The following KCNH4 variants were observed in gnomAD, a reference collection of about 807,000 sequenced individuals.
KCNH4 encodes the protein potassium voltage-gated channel subfamily H member 4, also known as voltage-gated delayed rectifier potassium channel KCNH4.
Under a neutral mutation model 90.7 loss-of-function variants are expected in KCNH4, and 33 were observed. That is an observed-to-expected ratio of 0.36 (90% confidence interval 0.28 to 0.49). The LOEUF is 0.49. Ranked by LOEUF, KCNH4 falls within the 20% of genes least tolerant of loss-of-function variation. The probability of loss-of-function intolerance (pLI) is 0.98; values close to 1 mark genes in which losing one functional copy is unlikely to be tolerated. For synonymous variants in KCNH4, 551 were observed against 581.7 expected, an observed-to-expected ratio of 0.95 and a Z score of 0.76; for missense variants, 1,044 against 1,387.1, an observed-to-expected ratio of 0.75 and a Z score of 3.93.
At chr17:42,162,138 GT>G in intron 15 of KCNH4, 109 bp downstream of exon 15, 1 of 857,052 alleles carries the variant, frequency 1.2e-6, no homozygotes, top group Non-Finnish European at 1.9e-6. Context: ...CAGAGATAGG[GT>G]TTCATCATGT....
chr17:42,176,856 A>G (rs1416946382), intron 4 of KCNH4, among the ~76,000 whole-genome samples: 2 of 151,782 alleles, frequency 1.3e-5, no homozygotes, highest in Non-Finnish European at 2.9e-5. Flanking sequence ...ATGTCTTGTC[A>G]AGGGTATTTA....
In KCNH4 at chr17:42,170,109, C is replaced by A; in HGVS notation, c.1388G>T (p.Gly463Val). ...KIFSICTMLI[G>V]ALMHAVVFGN... Reference sequence around the variant, plus strand: ...AGGCGTGGCAGGTCTGGCCTCACCGCCTATGAGCATCGTGCAGATGGAGAA... The same window carrying A: ...AGGCGTGGCAGGTCTGGCCTCACCGACTATGAGCATCGTGCAGATGGAGAA... Residue 463 changes from glycine to valine, a missense_variant and splice_region_variant, in exon 8 of 17, where the codon GGC becomes GTC. Gly to Val is a moderately radical substitution (Grantham distance 109). Around this residue, in one of 4 missense-constraint regions of KCNH4, gnomAD observed 318 missense variants for 479.6 expected, o/e 0.66. Transcript: ENST00000264661. 1 of 1,603,790 alleles carries A rather than the reference C, an allele frequency of 6.2e-7. No homozygotes were observed.
At chr17:42,175,939 C>G (rs2079857391) in intron 5 of KCNH4, 115 bp downstream of exon 5, 16 of 1,334,694 alleles carry the variant, frequency 1.2e-5, no homozygotes, top group Non-Finnish European at 1.6e-5. Context: ...CTTAAAGATG[C>G]AGAAAGGAAG....
rs749452433 is a variant in KCNH4 at position 42,176,076 on chromosome 17, G to A, written c.807C>T (p.Ala269=). The change falls in exon 5 of 17, where the codon GCC becomes GCT. Residue 269 remains alanine, a synonymous_variant. Transcript: ENST00000264661. ...GACCTAGGATGAAGAGCATTTCCAC[G>A]GCGATGTCGCTGACAAGGGTGTGTC... ...TSRHTLVSDI[A]VEMLFILDII... is the part of the protein sequence containing the mutation. 1.7e-5 allele frequency: 27 copies of A among 1,609,366 alleles called. No individual in the cohort carries two copies. The highest frequency in any genetic ancestry group is 1.6e-4 in the Middle Eastern group (1 of 6,066).
In KCNH4 at chr17:42,171,954, C is replaced by G. The variant is rs9896136; in HGVS notation, c.1029G>C (p.Arg343=). 14,541 of 1,609,912 alleles carry G rather than the reference C, an allele frequency of 9.0e-3. 1,129 individuals carry two copies. The African/African-American group carries it at 0.17, about 19-fold the overall frequency. ...VHLLKTVRLL[R]LLRLLQKLER... Reference sequence around the variant, plus strand: ...CCAGCTTCTGCAGCAGCCGCAGCAGCCGCAACAGCCGCACTGTCTTCAGTA... The same window carrying G: ...CCAGCTTCTGCAGCAGCCGCAGCAGGCGCAACAGCCGCACTGTCTTCAGTA... Residue 343 remains arginine, a synonymous_variant, in exon 7 of 17, where the codon CGG becomes CGC. Transcript: ENST00000264661.
In KCNH4 at chr17:42,159,718, C is replaced by T; in HGVS notation, c.*309+13G>A. 4.3e-6 allele frequency: 1 copy of T among 232,566 alleles called. No individual in the cohort carries two copies. The highest frequency in any genetic ancestry group is 8.3e-6 in the Non-Finnish European group (1 of 121,032). The allele number at this position is 232,566 out of a possible 1,614,324, so 14.4% of individuals were successfully genotyped here. A position where few individuals can be genotyped will look rare whatever the true frequency, so the allele number is the denominator to read the frequency against. On this transcript the variant is annotated intron_variant, in intron 16 of 16. Coordinates refer to ENST00000264661, the MANE Select transcript of KCNH4 (RefSeq NM_012285.3). ...GGGTCCCTTGCCCATCCCCTCTGCTCCCCCATCTCTACCTGCCTCCAGGTC... is the reference window on the plus strand; with the variant it reads ...GGGTCCCTTGCCCATCCCCTCTGCTTCCCCATCTCTACCTGCCTCCAGGTC...
chr17:42,173,740 G>A (rs761448672), intron 6 of KCNH4, among the ~76,000 whole-genome samples: 14 of 112,452 alleles, frequency 1.2e-4, no homozygotes, highest in Non-Finnish European at 2.0e-4. Flanking sequence ...AGTCCCTGTC[G>A]CCCAGGCTGG....
intron 16 of KCNH4, among the ~76,000 whole-genome samples, chr17:42,157,954 G>A (rs1424880923): frequency 1.3e-5 from 2 of 151,900 alleles, no homozygotes; most frequent in Non-Finnish European, 2.9e-5. Context: ...TTGAGGTGGA[G>A]TTTCACTCTT....
rs113403682 is a variant in KCNH4, at chr17:42,157,612, T to C, written c.*310-494A>G. Among the ~76,000 whole-genome samples, 485 of 152,254 alleles carry C rather than the reference T, an allele frequency of 3.2e-3. 3 individuals carry two copies. The highest frequency in any genetic ancestry group is 0.012 in the South Asian group (57 of 4,828). ...TAGCCTGATGTCCTGAGGTTTTTTT[T>C]GTTTTGTTTTGTTTGAGCAGGGTCT... On this transcript the variant is annotated intron_variant, in intron 16 of 16. Transcript: ENST00000264661.
intron 16 of KCNH4, among the ~76,000 whole-genome samples, chr17:42,159,400 G>A (rs1030476606): frequency 1.2e-4 from 19 of 152,050 alleles, no homozygotes; most frequent in Non-Finnish European, 4.4e-5. Context: ...GTACATATCT[G>A]GAGCCATCCG....
intron 6 of KCNH4, among the ~76,000 whole-genome samples, chr17:42,172,763 G>A (rs1474860786): frequency 6.6e-6 from 1 of 151,926 alleles, no homozygotes; most frequent in Admixed American, 6.6e-5. Flanking sequence ...CTAAGCACTG[G>A]GAGATGGTAG....
At chr17:42,159,246 C>T (rs1203756141) in intron 16 of KCNH4, among the ~76,000 whole-genome samples, 1 of 152,136 alleles carries the variant, frequency 6.6e-6, no homozygotes, top group Non-Finnish European at 1.5e-5. Context: ...AGGCTGGTCT[C>T]GAACTCCTGA....
Position 42,163,385 on chromosome 17 carries a change from G to A in KCNH4, c.2478-51C>T. ...CACCATGGGGTGAGGGTAAGGGCCA[G>A]AGCAGAGCAGACAGAGGGGGACTGG... On this transcript the variant is annotated intron_variant, in intron 13 of 16. Transcript: ENST00000264661. The surrounding 1 kb of genome is among the most constrained non-coding windows in gnomAD (Gnocchi z 5.4). 7.4e-7 allele frequency: 1 copy of A among 1,344,306 alleles called. No individual in the cohort carries two copies. The highest frequency in any genetic ancestry group is 1.1e-6 in the Non-Finnish European group (1 of 943,098). The allele number at this position is 1,344,306 out of a possible 1,614,324, so 83.3% of individuals were successfully genotyped here.
chr17:42,177,291 C>T (rs999066064), intron 4 of KCNH4, among the ~76,000 whole-genome samples: 5 of 152,148 alleles, frequency 3.3e-5, no homozygotes, highest in Admixed American at 1.3e-4. Flanking sequence ...TCAGGTGATC[C>T]GCCTGCCTCA....
rs758319327 is a variant in KCNH4 at position 42,176,035 on chromosome 17, G to T, written c.829+19C>A. 1.3e-6 allele frequency: 2 copies of T among 1,578,810 alleles called. No homozygotes were observed. The highest frequency in any genetic ancestry group is 2.7e-5 in the African/African-American group (2 of 74,584). ...CCCCCCAGCCGACCCACCAGGGTGG[G>T]TGAGGCAGAAGGTCTGACCTAGGAT... On this transcript the variant is annotated intron_variant, in intron 5 of 16. Coordinates refer to ENST00000264661, the MANE Select transcript of KCNH4 (RefSeq NM_012285.3).
rs143978398 is a variant in KCNH4, at chr17:42,163,400, AG to A, written c.2478-67del. The A allele has an allele frequency of 7.6e-3, 9,186 of 1,211,346 alleles. 538 individuals are homozygous for A. The African/African-American group carries it at 0.12, about 16-fold the overall frequency. 75.0% of individuals were successfully genotyped at this position (1,211,346 alleles called of 1,614,324 possible). ...GTAAGGGCCAGAGCAGAGCAGACAGAGGGGGACTGGGGGCAGCAGTGCCAGG... is the reference window on the plus strand; with the variant it reads ...GTAAGGGCCAGAGCAGAGCAGACAGAGGGGACTGGGGGCAGCAGTGCCAGG... On this transcript the variant is annotated intron_variant, in intron 13 of 16. Transcript: ENST00000264661. The surrounding 1 kb of genome is among the most constrained non-coding windows in gnomAD (Gnocchi z 5.4).
intron 8 of KCNH4, 138 bp from the exon 9 acceptor site, chr17:42,169,814 G>A: frequency 1.2e-6 from 1 of 846,780 alleles, no homozygotes. Context: ...GACTAAGGGT[G>A]GGGAATAGGG....
At chr17:42,178,078 T>C (rs1289962532) in intron 4 of KCNH4, 22 bp downstream of exon 4, 1 of 1,607,596 alleles carries the variant, frequency 6.2e-7, no homozygotes, top group African/African-American at 1.3e-5. Flanking sequence ...TTGGGAGATG[T>C]TGGGTTGGGG....
intron 11 of KCNH4, 52 bp downstream of exon 11, chr17:42,165,397 G>A: frequency 6.2e-7 from 1 of 1,602,810 alleles, no homozygotes; most frequent in Non-Finnish European, 8.5e-7. Flanking sequence ...GGGGAGGTCT[G>A]CTTTGGAGGA....
Sources: allele counts gnomAD v4.1 joint callset (sites outside exome capture counted in the v4.1 genomes callset), GRCh38; gene constraint gnomAD v4.1.1; regional missense constraint gnomAD v4.1.1; non-coding constraint Gnocchi (gnomAD v3.1); transcripts MANE v1.5; gene names NCBI Gene and HGNC (gene_info 2026-07-23, HGNC 2026-07-21).